Variants in BMAL2 observed in about 807,000 individuals in gnomAD.
The protein encoded by BMAL2 is basic helix-loop-helix ARNT-like protein 2.
chr12:27,403,460 T>C, the BMAL2 span: 1 of 1,609,004 alleles, frequency 6.2e-7, no homozygotes, highest in South Asian at 1.1e-5. Context: ...TGTATGAGTG[T>C]ACCTGGAATG....
chr12:27,345,598 C>T, the BMAL2 span, among the ~76,000 whole-genome samples: 2 of 152,182 alleles, frequency 1.3e-5, no homozygotes, highest in Non-Finnish European at 2.9e-5. Context: ...AAGTGATTCT[C>T]CTGCATCATC....
chr12:27,408,634 A>G, the BMAL2 span, among the ~76,000 whole-genome samples: 1 of 152,236 alleles, frequency 6.6e-6, no homozygotes, highest in Non-Finnish European at 1.5e-5. Context: ...CATAGCCAAT[A>G]TCATACTGAA....
the BMAL2 span, among the ~76,000 whole-genome samples, chr12:27,398,063 T>C: frequency 2.0e-5 from 3 of 152,196 alleles, no homozygotes; most frequent in South Asian, 4.1e-4. Context: ...TCAGGTACTT[T>C]ATTAGCTTCC....
the BMAL2 span, chr12:27,376,213 G>A: frequency 6.8e-6 from 5 of 735,558 alleles, no homozygotes; most frequent in Non-Finnish European, 1.1e-5. Flanking sequence ...AGGTGCTCAA[G>A]GGAGCATTTA....
chr12:27,394,846 G>A, the BMAL2 span, among the ~76,000 whole-genome samples: 1 of 152,194 alleles, frequency 6.6e-6, no homozygotes, highest in Non-Finnish European at 1.5e-5. Flanking sequence ...AGGCACCAGA[G>A]AGCTTTTTGT....
At chr12:27,378,924 T>C in the BMAL2 span, among the ~76,000 whole-genome samples, 1 of 152,186 alleles carries the variant, frequency 6.6e-6, no homozygotes, top group East Asian at 1.9e-4. Flanking sequence ...AGAGGAAGGG[T>C]CTAAACCAGG....
At chr12:27,339,805 G>A in the BMAL2 span, among the ~76,000 whole-genome samples, 25,105 of 152,010 alleles carry the variant, frequency 0.17, 2,408 homozygotes, top group East Asian at 0.3. Flanking sequence ...ACTGGTATGA[G>A]GTGGTAATCT....
the BMAL2 span, among the ~76,000 whole-genome samples, chr12:27,386,659 T>C: frequency 0.04 from 6,120 of 152,292 alleles, 151 homozygotes; most frequent in South Asian, 0.072. Flanking sequence ...AGACAAGGTC[T>C]GGCTCTGTTG....
At chr12:27,424,856 C>G in the BMAL2 span, 4 of 152,056 alleles carry the variant, frequency 2.6e-5, no homozygotes, top group African/African-American at 4.8e-5. Context: ...CTTTTTTTTC[C>G]AAGCTCCATG....
At chr12:27,399,289 G>A in the BMAL2 span, among the ~76,000 whole-genome samples, 1 of 152,136 alleles carries the variant, frequency 6.6e-6, no homozygotes, top group East Asian at 1.9e-4. Context: ...ACACCTTTGT[G>A]CCCCTCCCCT....
At chr12:27,410,414 C>T in the BMAL2 span, among the ~76,000 whole-genome samples, 1 of 152,172 alleles carries the variant, frequency 6.6e-6, no homozygotes, top group Non-Finnish European at 1.5e-5. Flanking sequence ...ACTGTGCAGC[C>T]ATAAAAAATG....
chr12:27,377,693 A>G, the BMAL2 span, among the ~76,000 whole-genome samples: 4 of 152,330 alleles, frequency 2.6e-5, no homozygotes, highest in South Asian at 8.3e-4. Flanking sequence ...GTGAGCTATG[A>G]TCATACAACT....
chr12:27,385,644 C>T, the BMAL2 span: 1 of 873,076 alleles, frequency 1.1e-6, no homozygotes, highest in Non-Finnish European at 1.8e-6. Context: ...CATTTGCTTC[C>T]TGTTCTAAAC....
chr12:27,391,671 A>C, the BMAL2 span, among the ~76,000 whole-genome samples: 2 of 152,230 alleles, frequency 1.3e-5, no homozygotes, highest in Non-Finnish European at 2.9e-5. Context: ...TAAGCAGAAA[A>C]TACTTTTCTT....
the BMAL2 span, chr12:27,390,014 C>A: frequency 6.6e-7 from 1 of 1,513,364 alleles, no homozygotes; most frequent in South Asian, 1.2e-5. Context: ...AATAGATGGT[C>A]AGAAAATGTT....
At chr12:27,398,225 G>A in the BMAL2 span, among the ~76,000 whole-genome samples, 2 of 152,168 alleles carry the variant, frequency 1.3e-5, no homozygotes, top group African/African-American at 4.8e-5. Context: ...GACCTAGCCT[G>A]CAACATGTTG....
the BMAL2 span, among the ~76,000 whole-genome samples, chr12:27,373,751 T>G: frequency 6.6e-6 from 1 of 152,232 alleles, no homozygotes; most frequent in Non-Finnish European, 1.5e-5. Context: ...TTGGTTGATT[T>G]AGAAAGAATG....
the BMAL2 span, chr12:27,425,212 GAA>G: frequency 1.3e-5 from 2 of 151,672 alleles, no homozygotes; most frequent in African/African-American, 4.8e-5. Flanking sequence ...GGTAAATAAT[GAA>G]AAGAGTGAAA....
the BMAL2 span, among the ~76,000 whole-genome samples, chr12:27,408,165 C>A: frequency 3.3e-5 from 5 of 152,060 alleles, no homozygotes; most frequent in African/African-American, 9.7e-5. Context: ...ACCAGAGGTA[C>A]AAGGAGGAGC....
Sources: gnomAD v4.1 joint callset for allele counts (sites outside exome capture counted in the v4.1 genomes callset) on GRCh38, gnomAD v4.1.1 for gene constraint, MANE v1.5 for transcripts, NCBI Gene and HGNC (gene_info 2026-07-23, HGNC 2026-07-21) for gene names.